Variants in RCAN2 observed in about 807,000 individuals in gnomAD.
RCAN2 encodes the protein regulator of calcineurin 2, also known as calcipressin-2.
A neutral mutation model predicts 23.6 loss-of-function variants in RCAN2; 9 were observed. That is an observed-to-expected ratio of 0.38 (90% CI 0.23 to 0.67). The LOEUF is 0.67. Ranked by LOEUF, RCAN2 falls within the 30% of genes least tolerant of loss-of-function variation. The pLI is 0.51. For synonymous variants in RCAN2, 109 were observed against 115.7 expected (o/e 0.94, Z 0.37); for missense variants, 273 against 302.3 (o/e 0.90, Z 0.72).
chr6:46,389,801 C>G (rs1765876355), intron 2 of RCAN2, among the ~76,000 whole-genome samples: 1 of 152,128 alleles, frequency 6.6e-6, no homozygotes, highest in Admixed American at 6.5e-5. Flanking sequence ...ACAGCCATGC[C>G]TTTAGTTAGG....
chr6:46,314,648 G>A (rs191365424), intron 2 of RCAN2, among the ~76,000 whole-genome samples: 4 of 152,250 alleles, frequency 2.6e-5, no homozygotes, highest in South Asian at 2.1e-4. Context: ...GCATTACTGC[G>A]GTGAAACAAG....
intron 2 of RCAN2, among the ~76,000 whole-genome samples, chr6:46,356,255 G>A (rs1328059916): frequency 6.6e-6 from 1 of 152,196 alleles, no homozygotes; most frequent in African/African-American, 2.4e-5. Context: ...TCAAAGGCCA[G>A]GGCTTGATTC....
At chr6:46,485,048 A>G (rs1768960890) in intron 1 of RCAN2, among the ~76,000 whole-genome samples, 1 of 152,240 alleles carries the variant, frequency 6.6e-6, no homozygotes, top group Non-Finnish European at 1.5e-5. Flanking sequence ...GAAAGCTTTA[A>G]GAAGGTCTAT....
intron 1 of RCAN2, among the ~76,000 whole-genome samples, chr6:46,487,542 T>C (rs1356056684): frequency 2.0e-5 from 3 of 152,230 alleles, no homozygotes; most frequent in African/African-American, 4.8e-5. Flanking sequence ...ATGTGGTGCC[T>C]GGTTTATAGT....
rs535293652 is a variant in RCAN2, at chr6:46,361,857, T to C, written c.225+94895A>G. ...AAAGAGGAGTTTGCAGTTAATCCCA[T>C]GGTCATTTATCTTTAGCTGGATAAA... On this transcript the variant is annotated intron_variant, in intron 2 of 4. Transcript: ENST00000371374. 7.2e-5 allele frequency among the ~76,000 whole-genome samples: 11 copies of C among 152,336 alleles called. No homozygotes were observed. In the South Asian group the frequency reaches 2.3e-3, roughly 32 times the overall value.
intron 2 of RCAN2, among the ~76,000 whole-genome samples, chr6:46,331,665 A>G (rs139849542): frequency 1.1e-4 from 16 of 152,302 alleles, no homozygotes; most frequent in Admixed American, 6.5e-4. Context: ...AAATATTTCA[A>G]CATATTTTAA....
chr6:46,485,742 A>G (rs1768974533), intron 1 of RCAN2, among the ~76,000 whole-genome samples: 1 of 151,958 alleles, frequency 6.6e-6, no homozygotes, highest in African/African-American at 2.4e-5. Context: ...CTCTGTTTAT[A>G]CTAAAACACC....
At chr6:46,365,390 C>T (rs1029999878) in intron 2 of RCAN2, among the ~76,000 whole-genome samples, 3 of 151,596 alleles carry the variant, frequency 2.0e-5, no homozygotes, top group African/African-American at 4.8e-5. Flanking sequence ...GTGAGAGAAT[C>T]GCTTGAATCT....
chr6:46,466,876 T>C (rs1000442974), intron 1 of RCAN2, among the ~76,000 whole-genome samples: 8 of 152,196 alleles, frequency 5.3e-5, no homozygotes, highest in Non-Finnish European at 1.0e-4. Flanking sequence ...AACAAACTTA[T>C]AAATATTAAA....
chr6:46,482,287 T>G (rs551979096), intron 1 of RCAN2, among the ~76,000 whole-genome samples: 1 of 152,292 alleles, frequency 6.6e-6, no homozygotes, highest in African/African-American at 2.4e-5. Context: ...TGTGTATATA[T>G]TCTGCCATCT....
chr6:46,330,325 C>T (rs1763927143), intron 2 of RCAN2, among the ~76,000 whole-genome samples: 1 of 152,072 alleles, frequency 6.6e-6, no homozygotes, highest in South Asian at 2.1e-4. Flanking sequence ...TTTAATAAGC[C>T]CTCCAGGTGA....
At chr6:46,269,999 G>C (rs926102987) in intron 2 of RCAN2, among the ~76,000 whole-genome samples, 2 of 152,140 alleles carry the variant, frequency 1.3e-5, no homozygotes, top group Non-Finnish European at 2.9e-5. Context: ...TCTCATGCAG[G>C]GACTCAGCTG....
rs569601823 is a variant in RCAN2 at position 46,222,437 on chromosome 6, A to T, written c.*704T>A. The T allele has an allele frequency of 6.5e-6, 1 of 154,186 alleles. No individual in the cohort carries two copies. The highest frequency in any genetic ancestry group is 2.4e-5 in the African/African-American group (1 of 41,616). 9.6% of individuals were successfully genotyped at this position (154,186 alleles called of 1,614,324 possible). A position where few individuals can be genotyped will look rare whatever the true frequency, so the allele number is the denominator to read the frequency against. On this transcript the variant is annotated 3_prime_UTR_variant, in exon 5 of 5. Coordinates refer to ENST00000371374, the MANE Select transcript of RCAN2 (RefSeq NM_001251974.2). ...CGAGGCTGGGAGAGTTCTACAGGGG[A>T]GTGGTGTTTGAAATCTATTGAGGAA...
chr6:46,336,963 A>C (rs978285635), intron 2 of RCAN2, among the ~76,000 whole-genome samples: 7 of 151,974 alleles, frequency 4.6e-5, no homozygotes, highest in Non-Finnish European at 1.5e-5. Context: ...CAAAAAAAAA[A>C]AAAAGCACAG....
chr6:46,490,989 A>ACCCCCGCCACCG (rs1769124268), intron 1 of RCAN2, among the ~76,000 whole-genome samples, 184 bp downstream of exon 1: 1 of 115,928 alleles, frequency 8.6e-6, no homozygotes, highest in Admixed American at 8.3e-5. Flanking sequence ...GACAAACCCC[A>ACCCCCGCCACCG]CCCCCGCCAC....
intron 2 of RCAN2, among the ~76,000 whole-genome samples, chr6:46,287,240 G>A (rs1762404437): frequency 6.6e-6 from 1 of 152,138 alleles, no homozygotes; most frequent in South Asian, 2.1e-4. Flanking sequence ...CAGGTGGCAG[G>A]GCTGAGTGAC....
intron 2 of RCAN2, among the ~76,000 whole-genome samples, chr6:46,322,597 G>C (rs771513050): frequency 4.6e-5 from 7 of 152,266 alleles, no homozygotes; most frequent in Admixed American, 4.6e-4. Flanking sequence ...AAGGAGGCCT[G>C]CTGGTTGCAT....
intron 2 of RCAN2, among the ~76,000 whole-genome samples, chr6:46,400,184 C>A (rs1320823363): frequency 6.6e-6 from 1 of 152,212 alleles, no homozygotes; most frequent in Non-Finnish European, 1.5e-5. Context: ...GGTGAGGGGG[C>A]TGCCCAGCTT....
chr6:46,474,338 C>T (rs541092487), intron 1 of RCAN2, among the ~76,000 whole-genome samples: 28 of 151,834 alleles, frequency 1.8e-4, no homozygotes, highest in Non-Finnish European at 2.5e-4. Flanking sequence ...ACACATGAGG[C>T]GGTGGGGAGG....
Sources: allele counts gnomAD v4.1 joint callset (sites outside exome capture counted in the v4.1 genomes callset), GRCh38; gene constraint gnomAD v4.1.1; transcripts MANE v1.5; gene names NCBI Gene and HGNC (gene_info 2026-07-23, HGNC 2026-07-21).